The following FNDC3B variants were observed in gnomAD, a reference collection of about 807,000 sequenced individuals.
FNDC3B encodes fibronectin type III domain-containing protein 3B.
A neutral mutation model predicts 151.5 loss-of-function variants in FNDC3B; 12 were observed. That is an observed-to-expected ratio of 0.08 (90% CI 0.05 to 0.13). FNDC3B has a LOEUF of 0.13. Among genes scored for constraint, FNDC3B ranks in the 10% least tolerant of loss-of-function variants. The pLI, the probability that FNDC3B is intolerant of heterozygous loss-of-function variation, is 1.00. For synonymous variants in FNDC3B, 528 were observed against 549.0 expected (o/e 0.96, Z 0.54); for missense variants, 1,214 against 1,505.3 (o/e 0.81, Z 3.20).
intron 25 of FNDC3B, among the ~76,000 whole-genome samples, chr3:172,387,171 G>T (rs1439140796): frequency 6.6e-6 from 1 of 152,094 alleles, no homozygotes; most frequent in East Asian, 1.9e-4. Flanking sequence ...TGTCCAGGCT[G>T]GTCTTGAACT....
intron 2 of FNDC3B, among the ~76,000 whole-genome samples, chr3:172,125,473 G>T (rs1027264519): frequency 6.6e-6 from 1 of 152,170 alleles, no homozygotes; most frequent in Non-Finnish European, 1.5e-5. Flanking sequence ...GTAGTAGTAG[G>T]TAGAGATAGT....
intron 23 of FNDC3B, among the ~76,000 whole-genome samples, chr3:172,363,298 G>T (rs114866182): frequency 1.4e-4 from 22 of 152,264 alleles, no homozygotes; most frequent in Non-Finnish European, 3.1e-4. Context: ...ACTGTACTCT[G>T]TAACTATGGG....
chr3:172,266,963 T>C (rs1314985556), intron 6 of FNDC3B, among the ~76,000 whole-genome samples: 1 of 152,204 alleles, frequency 6.6e-6, no homozygotes, highest in Non-Finnish European at 1.5e-5. Flanking sequence ...TAGGTCTGAT[T>C]GATACACCCT....
intron 22 of FNDC3B, among the ~76,000 whole-genome samples, chr3:172,361,512 C>T (rs1355638969): frequency 6.6e-6 from 1 of 152,202 alleles, no homozygotes; most frequent in East Asian, 1.9e-4. Context: ...AAGTTCTTTG[C>T]TCCAGTTCCC....
At chr3:172,100,382 G>A (rs568619253) in intron 1 of FNDC3B, among the ~76,000 whole-genome samples, 1 of 152,226 alleles carries the variant, frequency 6.6e-6, no homozygotes, top group East Asian at 1.9e-4. Flanking sequence ...TCACCTATTT[G>A]CGTATAAGCC....
At chr3:172,093,113 T>TGGAAGGAAATACACTGGTATAGCCTTTAA (rs1718921911) in intron 1 of FNDC3B, among the ~76,000 whole-genome samples, 1 of 150,444 alleles carries the variant, frequency 6.6e-6, no homozygotes, top group Admixed American at 6.6e-5. Context: ...CCACTGCACC[T>TGGAAGGAAATACACTGGTATAGCCTTTAA]GGCCAGAATC....
chr3:172,099,500 T>A (rs1234357902), intron 1 of FNDC3B, among the ~76,000 whole-genome samples: 1 of 152,316 alleles, frequency 6.6e-6, no homozygotes, highest in East Asian at 1.9e-4. Context: ...TTGCTTTGAA[T>A]CTGGGGCATG....
chr3:172,346,301 G>A (rs583550), intron 19 of FNDC3B, 26 bp from the exon 20 acceptor site: 711,421 of 1,325,018 alleles, frequency 0.54, 198,366 homozygotes, highest in Non-Finnish European at 0.59. Context: ...ATATACATAC[G>A]TGTGTGTGCG....
At chr3:172,263,579 A>G (rs1576851578) in intron 6 of FNDC3B, among the ~76,000 whole-genome samples, 1 of 137,842 alleles carries the variant, frequency 7.3e-6, no homozygotes, top group Non-Finnish European at 1.5e-5. Context: ...TTATTCAGCT[A>G]TCAAGTGTTT....
At chr3:172,078,255 C>T (rs1718116657) in intron 1 of FNDC3B, among the ~76,000 whole-genome samples, 1 of 152,234 alleles carries the variant, frequency 6.6e-6, no homozygotes, top group African/African-American at 2.4e-5. Context: ...GCTGGGATTA[C>T]AGGCATGAAC....
chr3:172,331,430 T>G (rs1732655365), intron 13 of FNDC3B, among the ~76,000 whole-genome samples: 1 of 152,156 alleles, frequency 6.6e-6, no homozygotes, highest in Admixed American at 6.5e-5. Context: ...CGATGTTGGC[T>G]CACCTCAAGC....
At chr3:172,344,004 C>A in intron 18 of FNDC3B, 82 bp from the exon 19 acceptor site, 1 of 1,341,346 alleles carries the variant, frequency 7.5e-7, no homozygotes, top group Non-Finnish European at 1.0e-6. Flanking sequence ...TGATATTTTG[C>A]TCAACTTGTG....
intron 9 of FNDC3B, among the ~76,000 whole-genome samples, chr3:172,299,230 A>G (rs1180364825): frequency 6.6e-6 from 1 of 152,236 alleles, no homozygotes; most frequent in Non-Finnish European, 1.5e-5. Flanking sequence ...ATTTTGAAAA[A>G]GACAAGTAAT....
At chr3:172,059,768 CATA>C (rs1313836402) in intron 1 of FNDC3B, among the ~76,000 whole-genome samples, 1 of 152,148 alleles carries the variant, frequency 6.6e-6, no homozygotes, top group African/African-American at 2.4e-5. Context: ...TAACTTTTAG[CATA>C]ATGATACTTT....
At chr3:172,381,467 G>A (rs1296338959) in intron 25 of FNDC3B, among the ~76,000 whole-genome samples, 1 of 151,182 alleles carries the variant, frequency 6.6e-6, no homozygotes, top group Admixed American at 6.6e-5. Flanking sequence ...TGTTAGTATT[G>A]ATCTTTTTTT....
chr3:172,361,515 C>CCAAA (rs1394065004), intron 22 of FNDC3B, among the ~76,000 whole-genome samples: 1 of 152,158 alleles, frequency 6.6e-6, no homozygotes, highest in Non-Finnish European at 1.5e-5. Context: ...TTCTTTGCTC[C>CCAAA]AGTTCCCAAA....
At chr3:172,206,095 C>CGTA (rs1197377135) in intron 3 of FNDC3B, among the ~76,000 whole-genome samples, 4 of 152,088 alleles carry the variant, frequency 2.6e-5, no homozygotes, top group Non-Finnish European at 5.9e-5. Flanking sequence ...TTTTTACAAC[C>CGTA]GTAGGGTAAT....
chr3:172,139,032 A>AT (rs1269795639), intron 3 of FNDC3B, among the ~76,000 whole-genome samples: 2 of 152,206 alleles, frequency 1.3e-5, no homozygotes, highest in Non-Finnish European at 2.9e-5. Flanking sequence ...GAATGACACC[A>AT]TTGAGAGCTG....
At chr3:172,083,232 A>C (rs1246761465) in intron 1 of FNDC3B, among the ~76,000 whole-genome samples, 1 of 152,224 alleles carries the variant, frequency 6.6e-6, no homozygotes, top group East Asian at 1.9e-4. Context: ...TACTCCTGAC[A>C]TACCAAATAG....
Sources: allele counts gnomAD v4.1 joint callset (sites outside exome capture counted in the v4.1 genomes callset), GRCh38; gene constraint gnomAD v4.1.1; transcripts MANE v1.5; gene names NCBI Gene and HGNC (gene_info 2026-07-23, HGNC 2026-07-21).